The following MYRIP variants were observed in gnomAD, a reference collection of about 807,000 sequenced individuals.
The protein encoded by MYRIP is myosin VIIA and Rab interacting protein, also known as rab effector MyRIP.
MYRIP carries 49 observed loss-of-function variants against 98.0 expected under a neutral mutation model. That is an observed-to-expected ratio of 0.50 (90% CI 0.40 to 0.63). The LOEUF (loss-of-function observed/expected upper bound fraction) is 0.63. Ranked by LOEUF, MYRIP falls within the 30% of genes least tolerant of loss-of-function variation. The pLI, the probability that MYRIP is intolerant of heterozygous loss-of-function variation, is 0.00. For missense variants in MYRIP, 1,004 were observed against 1,058.2 expected (o/e 0.95, Z 0.71); for synonymous variants, 404 against 409.5 (o/e 0.99, Z 0.16).
At chr3:40,052,576 G>A (rs535555982) in intron 3 of MYRIP, among the ~76,000 whole-genome samples, 3 of 152,150 alleles carry the variant, frequency 2.0e-5, no homozygotes, top group African/African-American at 7.2e-5. Context: ...TCCATTGCTG[G>A]GGAAGTATAA....
intron 3 of MYRIP, among the ~76,000 whole-genome samples, chr3:40,119,922 TAAAA>T (rs1424746998): frequency 6.2e-5 from 9 of 145,926 alleles, no homozygotes; most frequent in African/African-American, 2.4e-4. Context: ...ATAATAATAA[TAAAA>T]TAAATAAATA....
At chr3:39,930,031 C>A (rs1391777006) in intron 2 of MYRIP, among the ~76,000 whole-genome samples, 3 of 152,078 alleles carry the variant, frequency 2.0e-5, no homozygotes, top group South Asian at 2.1e-4. Flanking sequence ...CATTAACAAG[C>A]TTTTGTGCAG....
intron 2 of MYRIP, among the ~76,000 whole-genome samples, chr3:39,953,974 C>G (rs902676713): frequency 6.6e-6 from 1 of 152,094 alleles, no homozygotes; most frequent in African/African-American, 2.4e-5. Flanking sequence ...GGGCGTCCAC[C>G]ATTACTGAGG....
At chr3:40,069,635 C>T (rs1356221129) in intron 3 of MYRIP, among the ~76,000 whole-genome samples, 1 of 152,120 alleles carries the variant, frequency 6.6e-6, no homozygotes, top group Admixed American at 6.6e-5. Context: ...TACTTTCTGT[C>T]TCTGAATTTG....
At chr3:39,911,555 G>T (rs983419933) in intron 2 of MYRIP, among the ~76,000 whole-genome samples, 4 of 152,108 alleles carry the variant, frequency 2.6e-5, no homozygotes, top group African/African-American at 9.7e-5. Flanking sequence ...TAGACCTCTG[G>T]CTGTGGAAAG....
intron 3 of MYRIP, among the ~76,000 whole-genome samples, chr3:40,055,453 G>A (rs1947865830): frequency 6.6e-6 from 1 of 152,144 alleles, no homozygotes; most frequent in African/African-American, 2.4e-5. Flanking sequence ...AATTAGGGGA[G>A]AAAAATCAAT....
intron 2 of MYRIP, among the ~76,000 whole-genome samples, chr3:40,003,962 C>A (rs1946577794): frequency 6.6e-6 from 1 of 152,180 alleles, no homozygotes; most frequent in Admixed American, 6.5e-5. Context: ...GCTATGCCCA[C>A]CTGCCATCTG....
At chr3:39,974,533 C>T (rs1047880542) in intron 2 of MYRIP, among the ~76,000 whole-genome samples, 1 of 152,188 alleles carries the variant, frequency 6.6e-6, no homozygotes, top group Admixed American at 6.5e-5. Context: ...AAGAGGGAAT[C>T]CTCCCTAACT....
intron 2 of MYRIP, among the ~76,000 whole-genome samples, chr3:39,919,098 A>G (rs1173442654): frequency 6.6e-6 from 1 of 152,206 alleles, no homozygotes; most frequent in Non-Finnish European, 1.5e-5. Context: ...TGTATCAAAG[A>G]CATGTATTTT....
intron 3 of MYRIP, among the ~76,000 whole-genome samples, chr3:40,082,560 CT>C (rs1174377657): frequency 6.6e-6 from 1 of 152,218 alleles, no homozygotes; most frequent in Admixed American, 6.5e-5. Flanking sequence ...AACAAATCAT[CT>C]CTCTAGCATT....
At chr3:40,241,830 T>A (rs1953024474) in intron 12 of MYRIP, among the ~76,000 whole-genome samples, 1 of 152,194 alleles carries the variant, frequency 6.6e-6, no homozygotes, top group South Asian at 2.1e-4. Flanking sequence ...CAAGTCCAAG[T>A]GAATATTTTT....
At chr3:39,950,184 A>T (rs899062368) in intron 2 of MYRIP, among the ~76,000 whole-genome samples, 1 of 152,186 alleles carries the variant, frequency 6.6e-6, no homozygotes, top group African/African-American at 2.4e-5. Context: ...TTTTACACAT[A>T]TAACCTCATT....
At chr3:40,068,844 C>T in intron 3 of MYRIP, among the ~76,000 whole-genome samples, 1 of 152,172 alleles carries the variant, frequency 6.6e-6, no homozygotes, top group Admixed American at 6.5e-5. Flanking sequence ...CTTGTATTGA[C>T]AGTTGCAGGG....
intron 4 of MYRIP, among the ~76,000 whole-genome samples, chr3:40,156,020 T>G (rs1433889225): frequency 6.6e-5 from 10 of 152,160 alleles, no homozygotes; most frequent in East Asian, 5.8e-4. Context: ...GTCAATTTTG[T>G]CTTTTGTTGC....
intron 2 of MYRIP, among the ~76,000 whole-genome samples, chr3:39,942,393 T>A (rs1454622848): frequency 6.6e-6 from 1 of 152,164 alleles, no homozygotes; most frequent in Non-Finnish European, 1.5e-5. Flanking sequence ...AGGAAAGCAT[T>A]GATCCTTTAG....
chr3:40,073,645 C>T (rs977531402), intron 3 of MYRIP, among the ~76,000 whole-genome samples: 17 of 152,220 alleles, frequency 1.1e-4, no homozygotes, highest in Admixed American at 8.5e-4. Context: ...TAGAAATTTC[C>T]CTTTTGCCCT....
chr3:39,986,234 A>G lies in MYRIP; in HGVS notation c.111-57816A>G, dbSNP rs1419506790. Among the ~76,000 whole-genome samples, 7 of 152,164 alleles carry G rather than the reference A, an allele frequency of 4.6e-5. No homozygotes were observed. In the East Asian group the frequency reaches 1.3e-3, roughly 29 times the overall value. ...AGGGTGACCTGAAACTCGTCATTAG[A>G]GTCAGAGCACATGTCCCCAAAGGGC... On this transcript the variant is annotated intron_variant, in intron 2 of 16. Transcript: ENST00000302541.
intron 1 of MYRIP, among the ~76,000 whole-genome samples, chr3:39,885,274 G>A (rs936533277): frequency 9.2e-5 from 14 of 151,750 alleles, no homozygotes; most frequent in Non-Finnish European, 1.8e-4. Context: ...TATATTGGGG[G>A]AAATCATTCT....
intron 1 of MYRIP, among the ~76,000 whole-genome samples, chr3:39,812,958 G>T (rs1559482914): frequency 6.6e-6 from 1 of 152,226 alleles, no homozygotes; most frequent in Non-Finnish European, 1.5e-5. Context: ...GATGGCCGTG[G>T]GATGGGGGCA....
Sources: gnomAD v4.1 joint callset for allele counts (sites outside exome capture counted in the v4.1 genomes callset) on GRCh38, gnomAD v4.1.1 for gene constraint, MANE v1.5 for transcripts, NCBI Gene and HGNC (gene_info 2026-07-23, HGNC 2026-07-21) for gene names.